PABPC4L: variants seen among roughly 807,000 people sequenced by gnomAD.
The protein encoded by PABPC4L is polyadenylate-binding protein 4-like.
For synonymous variants in PABPC4L, 169 were observed against 164.1 expected (o/e 1.03, Z -0.23); for missense variants, 452 against 451.4 (o/e 1.00, Z -0.01).
chr4:134,025,066 C>T, the PABPC4L span, among the ~76,000 whole-genome samples: 9 of 150,354 alleles, frequency 6.0e-5, no homozygotes, highest in African/African-American at 2.2e-4. Flanking sequence ...CACGGTGGCT[C>T]ACACCTGTAA....
chr4:134,011,272 A>G, the PABPC4L span, among the ~76,000 whole-genome samples: 1 of 152,038 alleles, frequency 6.6e-6, no homozygotes, highest in Non-Finnish European at 1.5e-5. Context: ...CCTAATGCTA[A>G]TTTTTATTGA....
chr4:134,033,020 C>CTTT, the PABPC4L span, among the ~76,000 whole-genome samples: 2 of 138,874 alleles, frequency 1.4e-5, no homozygotes, highest in African/African-American at 2.6e-5. Flanking sequence ...CACAAGTATC[C>CTTT]TTTTTTTTTT....
the PABPC4L span, among the ~76,000 whole-genome samples, chr4:133,991,734 C>T: frequency 1.3e-5 from 2 of 152,120 alleles, no homozygotes; most frequent in African/African-American, 4.8e-5. Flanking sequence ...GCAGAGGAAC[C>T]TTGCCAGTTG....
the PABPC4L span, among the ~76,000 whole-genome samples, chr4:134,029,599 T>A: frequency 6.6e-6 from 1 of 151,988 alleles, no homozygotes; most frequent in East Asian, 1.9e-4. Context: ...TTTAAAAATA[T>A]TTAATAATAT....
the PABPC4L span, among the ~76,000 whole-genome samples, chr4:134,164,118 C>T: frequency 6.6e-6 from 1 of 150,630 alleles, no homozygotes; most frequent in Non-Finnish European, 1.5e-5. Flanking sequence ...AAAAAATTAG[C>T]CGGGCGTAGT....
the PABPC4L span, among the ~76,000 whole-genome samples, chr4:133,975,060 C>A: frequency 6.6e-6 from 1 of 152,052 alleles, no homozygotes; most frequent in African/African-American, 2.4e-5. Flanking sequence ...TTCATAGCAT[C>A]ATTATTCACA....
At chr4:133,982,572 A>G in the PABPC4L span, among the ~76,000 whole-genome samples, 1 of 152,026 alleles carries the variant, frequency 6.6e-6, no homozygotes. Flanking sequence ...CATTTTAAAG[A>G]AAGTGTTTAT....
chr4:134,164,246 G>C, the PABPC4L span, among the ~76,000 whole-genome samples: 5 of 103,020 alleles, frequency 4.9e-5, no homozygotes, highest in Non-Finnish European at 8.6e-5. Context: ...CTGGGCGACA[G>C]AGCGAGACTC....
the PABPC4L span, among the ~76,000 whole-genome samples, chr4:134,054,274 A>G: frequency 6.9e-6 from 1 of 144,098 alleles, no homozygotes; most frequent in Non-Finnish European, 1.5e-5. Flanking sequence ...ATATATATAT[A>G]TATATATATA....
At chr4:134,011,899 T>C in the PABPC4L span, among the ~76,000 whole-genome samples, 1 of 152,164 alleles carries the variant, frequency 6.6e-6, no homozygotes, top group African/African-American at 2.4e-5. Flanking sequence ...TTGATTGTAA[T>C]AATAAAATAT....
chr4:134,120,157 T>G, the PABPC4L span, among the ~76,000 whole-genome samples: 1 of 151,402 alleles, frequency 6.6e-6, no homozygotes, highest in Admixed American at 6.6e-5. Context: ...ATACTGACAG[T>G]TTTAGAAACT....
the PABPC4L span, among the ~76,000 whole-genome samples, chr4:133,990,425 T>C: frequency 6.6e-6 from 1 of 152,188 alleles, no homozygotes; most frequent in Non-Finnish European, 1.5e-5. Context: ...ACAAATATTA[T>C]GTGTGTTCTG....
At position 134,200,903 on chromosome 4, in the gene PABPC4L, G is replaced by A. The variant is rs562410097; in HGVS notation, c.117C>T (p.Ile39=). Residue 39 remains isoleucine, a synonymous_variant, in exon 2 of 2, where the codon ATC becomes ATT. Coordinates refer to ENST00000421491, the MANE Select transcript of PABPC4L (RefSeq NM_001114734.2). ...KFSTVGPVLS[I]RICRDQVTRR... is the part of the protein sequence containing the mutation. ...GGGTGACCTGGTCCCTGCAAATGCG[G>A]ATGGACAGCACAGGCCCCACAGTGC... The A allele has an allele frequency of 1.7e-4, 273 of 1,561,014 alleles. 2 individuals are homozygous for A. The South Asian group carries it at 2.9e-3, about 17-fold the overall frequency.
the PABPC4L span, among the ~76,000 whole-genome samples, chr4:134,127,451 A>T: frequency 1.3e-5 from 2 of 152,062 alleles, no homozygotes; most frequent in Non-Finnish European, 2.9e-5. Flanking sequence ...TGAATGAGAG[A>T]CCTGAAGACG....
At chr4:134,008,445 C>A in the PABPC4L span, among the ~76,000 whole-genome samples, 1 of 150,870 alleles carries the variant, frequency 6.6e-6, no homozygotes, top group Non-Finnish European at 1.5e-5. Context: ...CAAAGTGAGC[C>A]TATAAGAAAG....
chr4:133,978,784 A>T, the PABPC4L span: 1 of 152,116 alleles, frequency 6.6e-6, no homozygotes, highest in African/African-American at 2.4e-5. Flanking sequence ...TCCCTAACTT[A>T]AGTTTCACTA....
At chr4:134,166,634 A>G in the PABPC4L span, among the ~76,000 whole-genome samples, 1 of 152,290 alleles carries the variant, frequency 6.6e-6, no homozygotes, top group East Asian at 1.9e-4. Context: ...CGGCAGATGT[A>G]ACAGAGCTGA....
the PABPC4L span, among the ~76,000 whole-genome samples, chr4:134,068,712 C>T: frequency 6.6e-6 from 1 of 151,222 alleles, no homozygotes; most frequent in African/African-American, 2.4e-5. Flanking sequence ...TTTTAAGATA[C>T]ATCTTTTTTT....
chr4:133,977,179 C>A, the PABPC4L span, among the ~76,000 whole-genome samples: 1 of 151,948 alleles, frequency 6.6e-6, no homozygotes, highest in Admixed American at 6.6e-5. Context: ...GACTCCTGTC[C>A]CTATTGCTTG....
Sources: gnomAD v4.1 joint callset for allele counts (sites outside exome capture counted in the v4.1 genomes callset) on GRCh38, gnomAD v4.1.1 for gene constraint, MANE v1.5 for transcripts, NCBI Gene and HGNC (gene_info 2026-07-23, HGNC 2026-07-21) for gene names.